Variants in MCF2L2 observed in about 807,000 individuals in gnomAD.
The protein encoded by MCF2L2 is probable guanine nucleotide exchange factor MCF2L2.
Under a neutral mutation model 150.2 loss-of-function variants are expected in MCF2L2, and 102 were observed. That is an observed-to-expected ratio of 0.68 (90% CI 0.58 to 0.80). The LOEUF (loss-of-function observed/expected upper bound fraction) is 0.80, where lower values mean the gene tolerates loss of function less well. Ranked by LOEUF, MCF2L2 falls within the 30% of genes least tolerant of loss-of-function variation. The probability of loss-of-function intolerance (pLI) is 0.00; values close to 1 mark genes in which losing one functional copy is unlikely to be tolerated. For missense variants in MCF2L2, 1,256 were observed against 1,372.8 expected, an observed-to-expected ratio of 0.91 and a Z score of 1.34; for synonymous variants, 465 against 491.3, an observed-to-expected ratio of 0.95 and a Z score of 0.71.
At chr3:183,355,344 G>C (rs1711698838) in intron 3 of MCF2L2, among the ~76,000 whole-genome samples, 1 of 152,016 alleles carries the variant, frequency 6.6e-6, no homozygotes, top group African/African-American at 2.4e-5. Flanking sequence ...AATGCTTGAA[G>C]GCCTCTTAGA....
intron 13 of MCF2L2, among the ~76,000 whole-genome samples, chr3:183,290,017 T>C (rs1728032092): frequency 6.6e-6 from 1 of 152,244 alleles, no homozygotes; most frequent in South Asian, 2.1e-4. Context: ...GACTAAATTC[T>C]AGGTACTACA....
intron 6 of MCF2L2, among the ~76,000 whole-genome samples, chr3:183,318,636 T>C (rs151271930): frequency 2.8e-4 from 43 of 152,332 alleles, no homozygotes; most frequent in Middle Eastern, 3.4e-3. Flanking sequence ...ATATTATTCC[T>C]AGTTATATAT....
chr3:183,326,449 A>G (rs992037796), intron 5 of MCF2L2, among the ~76,000 whole-genome samples: 5 of 135,712 alleles, frequency 3.7e-5, no homozygotes, highest in Admixed American at 8.7e-5. Flanking sequence ...CCGAGATTAC[A>G]CCACTGTACT....
At chr3:183,258,134 A>AT (rs1329911437) in intron 15 of MCF2L2, among the ~76,000 whole-genome samples, 3 of 151,526 alleles carry the variant, frequency 2.0e-5, no homozygotes, top group African/African-American at 4.9e-5. Flanking sequence ...CACCCAGCTA[A>AT]TTTTTGTGTT....
rs141845365 is a variant in MCF2L2, at chr3:183,301,984, G to A, written c.1114-1788C>T. On this transcript the variant is annotated intron_variant, in intron 10 of 29. Coordinates refer to ENST00000328913, the MANE Select transcript of MCF2L2 (RefSeq NM_015078.4). Reference sequence around the variant, plus strand: ...ACAGTATGGTTTATGGTGATTACTTGCTTTTTCTTCTGGGAGTCTGAAATC... The same window carrying A: ...ACAGTATGGTTTATGGTGATTACTTACTTTTTCTTCTGGGAGTCTGAAATC... Among the ~76,000 whole-genome samples the A allele has an allele frequency of 1.8e-3, 277 of 152,188 alleles. 7 individuals carry two copies. In the South Asian group the frequency reaches 0.038, roughly 21 times the overall value.
intron 15 of MCF2L2, among the ~76,000 whole-genome samples, chr3:183,254,463 A>AG (rs1485330131): frequency 6.6e-6 from 1 of 151,884 alleles, no homozygotes; most frequent in African/African-American, 2.4e-5. Flanking sequence ...GCGGGTGGCC[A>AG]GCGGCTGGGA....
intron 23 of MCF2L2, among the ~76,000 whole-genome samples, chr3:183,206,478 C>A (rs889616619): frequency 6.6e-6 from 1 of 152,210 alleles, no homozygotes; most frequent in African/African-American, 2.4e-5. Flanking sequence ...CAGCCCTCAA[C>A]CTTTCAGTGA....
intron 27 of MCF2L2, among the ~76,000 whole-genome samples, chr3:183,184,977 C>T (rs961992721): frequency 6.6e-6 from 1 of 151,134 alleles, no homozygotes; most frequent in Admixed American, 6.6e-5. Context: ...AGTGCAGTGA[C>T]ACGATCTCGG....
intron 25 of MCF2L2, among the ~76,000 whole-genome samples, chr3:183,202,085 C>A (rs1722307130): frequency 6.6e-6 from 1 of 152,070 alleles, no homozygotes; most frequent in Admixed American, 6.5e-5. Context: ...AGTCTGGCAG[C>A]CATGGGAGGG....
At chr3:183,324,616 C>T (rs1193889490) in intron 5 of MCF2L2, among the ~76,000 whole-genome samples, 1 of 151,736 alleles carries the variant, frequency 6.6e-6, no homozygotes, top group Admixed American at 6.6e-5. Flanking sequence ...ACCTGTAATC[C>T]CAGCTACTCA....
At chr3:183,218,648 AT>A (rs1281999076) in intron 21 of MCF2L2, among the ~76,000 whole-genome samples, 1 of 151,882 alleles carries the variant, frequency 6.6e-6, no homozygotes, top group Non-Finnish European at 1.5e-5. Flanking sequence ...AAATAAAAAA[AT>A]AAGAAATAAT....
intron 2 of MCF2L2, among the ~76,000 whole-genome samples, chr3:183,381,045 C>T (rs1030919795): frequency 6.6e-6 from 1 of 152,116 alleles, no homozygotes; most frequent in Non-Finnish European, 1.5e-5. Context: ...GACTGAGATG[C>T]TAAGGCGCAG....
At chr3:183,208,578 C>T (rs1722579642) in intron 22 of MCF2L2, among the ~76,000 whole-genome samples, 1 of 152,186 alleles carries the variant, frequency 6.6e-6, no homozygotes, top group Admixed American at 6.5e-5. Context: ...CTTCAAAAGA[C>T]AGTGGACCAA....
intron 20 of MCF2L2, among the ~76,000 whole-genome samples, chr3:183,220,592 G>A (rs1723113174): frequency 6.6e-6 from 1 of 152,016 alleles, no homozygotes; most frequent in African/African-American, 2.4e-5. Flanking sequence ...TAAGAGTTTT[G>A]AGGCATATTT....
intron 7 of MCF2L2, among the ~76,000 whole-genome samples, chr3:183,314,634 A>G (rs1729521957): frequency 6.6e-6 from 1 of 152,036 alleles, no homozygotes; most frequent in Non-Finnish European, 1.5e-5. Context: ...TGTTTAGGAA[A>G]AAACACTCTC....
chr3:183,184,415 C>A (rs566032461), intron 27 of MCF2L2, among the ~76,000 whole-genome samples: 19 of 152,288 alleles, frequency 1.2e-4, no homozygotes, highest in Middle Eastern at 3.4e-3. Flanking sequence ...AGCAGATACA[C>A]CCTGAGTCTC....
In MCF2L2 at chr3:183,223,369, TAA is replaced by T. The variant is rs762448080; in HGVS notation, c.2276_2277del (p.Leu759HisfsTer17). The part of the protein sequence containing the change: ...FKYLKGPSQR[L>X]IKYQMLLKGL... ...ACCTTCAACAGCATCTGGTATTTTA[TAA>T]GTCTCTGGCTTGGTCCTTTGAGATA... On this transcript the variant is annotated frameshift_variant, in exon 20 of 30. Coordinates refer to ENST00000328913, the MANE Select transcript of MCF2L2 (RefSeq NM_015078.4). LOFTEE classifies it high-confidence loss of function. The T allele has an allele frequency of 6.2e-7, 1 of 1,614,088 alleles. No homozygotes were observed. Among genetic ancestry groups the T allele is most frequent in the South Asian group, 1.1e-5 (1 of 91,084 alleles).
intron 5 of MCF2L2, among the ~76,000 whole-genome samples, chr3:183,326,559 TAG>T (rs1428438207): frequency 1.3e-4 from 19 of 141,002 alleles, no homozygotes; most frequent in African/African-American, 1.9e-4. Flanking sequence ...GAAGTAATTA[TAG>T]ATTCACAAGA....
chr3:183,280,288 GA>G (rs146221411), intron 14 of MCF2L2, among the ~76,000 whole-genome samples: 10 of 151,480 alleles, frequency 6.6e-5, no homozygotes, highest in Non-Finnish European at 1.0e-4. Context: ...TCTCAAAATT[GA>G]AAAAAACGCC....
Sources: allele counts gnomAD v4.1 joint callset (sites outside exome capture counted in the v4.1 genomes callset), GRCh38; gene constraint gnomAD v4.1.1; transcripts MANE v1.5; gene names NCBI Gene and HGNC (gene_info 2026-07-23, HGNC 2026-07-21).